SORCS2: variants seen among roughly 807,000 people sequenced by gnomAD.
SORCS2 encodes the protein sortilin related VPS10 domain containing receptor 2.
SORCS2 carries 100 observed loss-of-function variants against 141.6 expected under a neutral mutation model. The ratio of observed to expected loss-of-function variants is 0.71; its 90% CI spans 0.60 to 0.83. The LOEUF (loss-of-function observed/expected upper bound fraction) is 0.83. Ranked by LOEUF, SORCS2 falls within the 40% of genes least tolerant of loss-of-function variation. The pLI is 0.00. For missense variants in SORCS2, 1,646 were observed against 1,560.2 expected, an observed-to-expected ratio of 1.05 and a Z score of -0.93; for synonymous variants, 789 against 676.9, an observed-to-expected ratio of 1.17 and a Z score of -2.57.
intron 12 of SORCS2, among the ~76,000 whole-genome samples, chr4:7,701,438 C>T (rs1225084193): frequency 6.6e-6 from 1 of 152,124 alleles, no homozygotes; most frequent in African/African-American, 2.4e-5. Context: ...GAGGAAACGC[C>T]TGGGGAAGGG....
chr4:7,196,778 C>T (rs1727196100), intron 1 of SORCS2, among the ~76,000 whole-genome samples: 2 of 152,090 alleles, frequency 1.3e-5, no homozygotes, highest in Non-Finnish European at 2.9e-5. Context: ...TCTTGATGAA[C>T]CCGATATTTG....
intron 1 of SORCS2, among the ~76,000 whole-genome samples, chr4:7,388,200 C>T (rs559994176): frequency 2.2e-4 from 34 of 152,338 alleles, no homozygotes; most frequent in Non-Finnish European, 3.8e-4. Flanking sequence ...CTGCAGAAGT[C>T]GGCTCCGTGT....
At chr4:7,331,280 C>T (rs543615665) in intron 1 of SORCS2, among the ~76,000 whole-genome samples, 1 of 152,090 alleles carries the variant, frequency 6.6e-6, no homozygotes, top group East Asian at 1.9e-4. Context: ...GGGGCAGGTT[C>T]TTGGGGCTGG....
At chr4:7,450,543 A>G (rs542673127) in intron 2 of SORCS2, among the ~76,000 whole-genome samples, 2 of 152,276 alleles carry the variant, frequency 1.3e-5, no homozygotes, top group African/African-American at 4.8e-5. Flanking sequence ...CGCAGGACTC[A>G]CCACAGCTGT....
chr4:7,267,864 G>A (rs1714854093), intron 1 of SORCS2, among the ~76,000 whole-genome samples: 1 of 152,186 alleles, frequency 6.6e-6, no homozygotes, highest in Admixed American at 6.5e-5. Context: ...CTGGGTCATC[G>A]GGGGTCTGTC....
At chr4:7,422,788 G>A (rs7694692) in intron 2 of SORCS2, among the ~76,000 whole-genome samples, 5,316 of 152,230 alleles carry the variant, frequency 0.035, 308 homozygotes, top group African/African-American at 0.12. Flanking sequence ...TTGTCCCCGA[G>A]AGTCCGTTCC....
intron 22 of SORCS2, among the ~76,000 whole-genome samples, 198 bp from the exon 23 acceptor site, chr4:7,729,389 C>A (rs1262509808): frequency 6.6e-6 from 1 of 151,996 alleles, no homozygotes; most frequent in African/African-American, 2.4e-5. Flanking sequence ...GGGCTGAGGG[C>A]CCTGGGTAGC....
chr4:7,303,481 T>C (rs1280677845), intron 1 of SORCS2, among the ~76,000 whole-genome samples: 2 of 152,242 alleles, frequency 1.3e-5, no homozygotes, highest in Non-Finnish European at 2.9e-5. Context: ...ATGAACTGAC[T>C]TCATTTGACA....
At chr4:7,721,818 C>T (rs1027706327) in intron 18 of SORCS2, among the ~76,000 whole-genome samples, 16 of 152,138 alleles carry the variant, frequency 1.1e-4, no homozygotes, top group African/African-American at 3.6e-4. Context: ...GAGCCGGGTA[C>T]GGGGCACACA....
chr4:7,643,889 C>T (rs1302314893), intron 4 of SORCS2, among the ~76,000 whole-genome samples: 11 of 152,170 alleles, frequency 7.2e-5, no homozygotes, highest in Non-Finnish European at 1.0e-4. Context: ...ATGGCTCGCT[C>T]TGACCTCAGA....
chr4:7,384,374 C>A (rs895354231), intron 1 of SORCS2, among the ~76,000 whole-genome samples: 1 of 152,116 alleles, frequency 6.6e-6, no homozygotes, highest in South Asian at 2.1e-4. Context: ...GAGACGGTGA[C>A]GAGAAGTGGC....
chr4:7,379,516 C>T (rs1722856198), intron 1 of SORCS2, among the ~76,000 whole-genome samples: 1 of 152,228 alleles, frequency 6.6e-6, no homozygotes. Flanking sequence ...TGATGTATGG[C>T]TGAGGCTTTC....
chr4:7,416,264 G>A (rs546107780), intron 2 of SORCS2, among the ~76,000 whole-genome samples: 6 of 152,246 alleles, frequency 3.9e-5, no homozygotes, highest in African/African-American at 1.4e-4. Context: ...GAAATTGCAG[G>A]GGTTTAGGGA....
intron 2 of SORCS2, among the ~76,000 whole-genome samples, chr4:7,425,295 C>T (rs73086316): frequency 0.055 from 8,391 of 152,260 alleles, 750 homozygotes; most frequent in African/African-American, 0.19. Context: ...TTGGCAAGCA[C>T]CTGCTCTCTG....
At chr4:7,641,011 G>A (rs1297939571) in intron 4 of SORCS2, among the ~76,000 whole-genome samples, 1 of 152,172 alleles carries the variant, frequency 6.6e-6, no homozygotes, top group Non-Finnish European at 1.5e-5. Context: ...CCCAGGGTCA[G>A]AGAAGGGTTG....
chr4:7,286,945 C>T lies in SORCS2; in HGVS notation c.480+93819C>T, dbSNP rs908315769. On this transcript the variant is annotated intron_variant, in intron 1 of 26. Transcript: ENST00000507866. This position sits in a 1 kb window ranked among gnomAD's most constrained non-coding sequence, Gnocchi z 4.1. ...AAGTCAGCAGAGGCAGAGAGAGGGACCAGGGCCACTGGTACGAACGCTTCT... is the reference window on the plus strand; with the variant it reads ...AAGTCAGCAGAGGCAGAGAGAGGGATCAGGGCCACTGGTACGAACGCTTCT... Among the ~76,000 whole-genome samples the T allele has an allele frequency of 6.6e-6, 1 of 152,192 alleles. No individual in the cohort carries two copies. Among genetic ancestry groups the T allele is most frequent in the Non-Finnish European group, 1.5e-5 (1 of 68,030 alleles).
intron 18 of SORCS2, among the ~76,000 whole-genome samples, chr4:7,719,827 C>G (rs112966663): frequency 6.6e-6 from 1 of 152,314 alleles, no homozygotes; most frequent in Middle Eastern, 3.4e-3. Flanking sequence ...CTACCACCGC[C>G]CAGGGGGCCG....
chr4:7,389,703 G>T (rs1723734254), intron 1 of SORCS2, among the ~76,000 whole-genome samples: 1 of 152,188 alleles, frequency 6.6e-6, no homozygotes, highest in African/African-American at 2.4e-5. Context: ...AGAATGAGCA[G>T]GAGGGAGGCA....
In SORCS2 at chr4:7,723,882, C is replaced by T; in HGVS notation, c.2610C>T (p.Asn870=). The T allele has an allele frequency of 6.2e-7, 1 of 1,600,188 alleles. No homozygotes were observed. The highest frequency in any genetic ancestry group is 8.5e-7 in the Non-Finnish European group (1 of 1,176,334). ...HDEAVLFVQV[N]SPLQALYLEV... Reference sequence around the variant, plus strand: ...AGGCGGTGCTCTTTGTCCAGGTCAACTGTAAGTTTATTGCCCCTTTGAGGC... The same window carrying T: ...AGGCGGTGCTCTTTGTCCAGGTCAATTGTAAGTTTATTGCCCCTTTGAGGC... Residue 870 remains asparagine (N), a splice_region_variant and synonymous_variant, in exon 19 of 27, where the codon AAC becomes AAT. Transcript: ENST00000507866.
Sources: gnomAD v4.1 joint callset for allele counts (sites outside exome capture counted in the v4.1 genomes callset) on GRCh38, gnomAD v4.1.1 for gene constraint, Gnocchi (gnomAD v3.1) non-coding constraint, MANE v1.5 for transcripts, NCBI Gene and HGNC (gene_info 2026-07-23, HGNC 2026-07-21) for gene names.